Variants in TRPM6 observed in about 807,000 individuals in gnomAD.
TRPM6 encodes transient receptor potential cation channel subfamily M member 6, also known as channel kinase 2.
A neutral mutation model predicts 247.6 loss-of-function variants in TRPM6; 111 were observed. The observed-to-expected ratio is 0.45, with a 90% CI of 0.38 to 0.52. TRPM6 has a LOEUF of 0.52. Among genes scored for constraint, TRPM6 ranks in the 20% least tolerant of loss-of-function variants. TRPM6 has a pLI of 0.00. For missense variants in TRPM6, 2,126 were observed against 2,421.5 expected (o/e 0.88, Z 2.56); for synonymous variants, 892 against 853.8 (o/e 1.04, Z -0.78).
At chr9:74,859,951 A>T (rs1187194599) in intron 1 of TRPM6, among the ~76,000 whole-genome samples, 2 of 152,172 alleles carry the variant, frequency 1.3e-5, no homozygotes, top group Admixed American at 1.3e-4. Context: ...TGGGCCAGAA[A>T]ATATGCTACA....
chr9:74,830,023 C>T (rs1244803040), intron 6 of TRPM6, among the ~76,000 whole-genome samples: 1 of 151,976 alleles, frequency 6.6e-6, no homozygotes, highest in Non-Finnish European at 1.5e-5. Flanking sequence ...ACCAACTACT[C>T]TGGAGGCTGA....
At chr9:74,792,454 C>A (rs914121067) in intron 19 of TRPM6, among the ~76,000 whole-genome samples, 170 bp downstream of exon 19, 2 of 152,206 alleles carry the variant, frequency 1.3e-5, no homozygotes, top group Non-Finnish European at 2.9e-5. Flanking sequence ...ACCCTAACTT[C>A]TCCCTGCCTT....
intron 14 of TRPM6, 63 bp from the exon 15 acceptor site, chr9:74,803,949 A>G: frequency 9.5e-7 from 1 of 1,049,908 alleles, no homozygotes; most frequent in East Asian, 2.4e-5. Context: ...TTTTTAAAAT[A>G]AAACAAAAGG....
intron 9 of TRPM6, among the ~76,000 whole-genome samples, chr9:74,817,500 T>A (rs906397426): frequency 6.6e-6 from 1 of 152,144 alleles, no homozygotes; most frequent in African/African-American, 2.4e-5. Context: ...GACTTGCTTT[T>A]TTACGAGAAA....
chr9:74,742,698 C>A, intron 32 of TRPM6, 72 bp from the exon 33 acceptor site: 1 of 1,246,024 alleles, frequency 8.0e-7, no homozygotes, highest in South Asian at 1.2e-5. Flanking sequence ...CTCTCCACAT[C>A]AATATATTCA....
At chr9:74,743,774 A>T (rs552820721) in intron 32 of TRPM6, among the ~76,000 whole-genome samples, 3 of 152,320 alleles carry the variant, frequency 2.0e-5, no homozygotes, top group Admixed American at 6.5e-5. Flanking sequence ...CCCCAGTCCA[A>T]AACATTGAGA....
chr9:74,761,653 T>C, intron 27 of TRPM6, 43 bp downstream of exon 27: 1 of 1,261,514 alleles, frequency 7.9e-7, no homozygotes, highest in Admixed American at 1.7e-5. Flanking sequence ...GGCCACTACC[T>C]TGACTGCTCA....
chr9:74,753,684 A>T (rs1826340978), intron 28 of TRPM6, among the ~76,000 whole-genome samples: 1 of 152,232 alleles, frequency 6.6e-6, no homozygotes, highest in African/African-American at 2.4e-5. Context: ...TGATGGAGCC[A>T]GACCCTGTCT....
intron 1 of TRPM6, among the ~76,000 whole-genome samples, chr9:74,867,844 T>C (rs1298794450): frequency 7.2e-6 from 1 of 138,924 alleles, no homozygotes; most frequent in East Asian, 2.4e-4. Context: ...ATAGGTTTAT[T>C]CATTCATTTA....
chr9:74,880,917 C>T (rs1831340786), intron 1 of TRPM6, among the ~76,000 whole-genome samples: 1 of 152,098 alleles, frequency 6.6e-6, no homozygotes, highest in Non-Finnish European at 1.5e-5. Flanking sequence ...AGAATAAGTG[C>T]TCCCAGATCA....
intron 14 of TRPM6, among the ~76,000 whole-genome samples, chr9:74,805,587 T>C (rs1245983910): frequency 6.6e-6 from 1 of 152,222 alleles, no homozygotes; most frequent in African/African-American, 2.4e-5. Context: ...TCTGTGAATG[T>C]GAATTTTTCA....
chr9:74,883,380 C>T (rs1054013389), intron 1 of TRPM6, among the ~76,000 whole-genome samples: 2 of 152,086 alleles, frequency 1.3e-5, no homozygotes, highest in South Asian at 2.1e-4. Flanking sequence ...TGTATATTTG[C>T]ACTCTAGGAA....
At chr9:74,810,944 T>C in intron 12 of TRPM6, 76 bp from the exon 13 acceptor site, 1 of 1,168,016 alleles carries the variant, frequency 8.6e-7, no homozygotes, top group East Asian at 2.4e-5. Context: ...TACTTCAGAA[T>C]GCATAAGTAA....
In TRPM6 at chr9:74,776,164, C is replaced by T. The variant is rs1213391822; in HGVS notation, c.3210-88G>A. ...TATATTTTCCAACATTTATGATTGGCTCACCTGACATTACCGGCAGTTACC... is the reference window on the plus strand; with the variant it reads ...TATATTTTCCAACATTTATGATTGGTTCACCTGACATTACCGGCAGTTACC... On this transcript the variant is annotated intron_variant, in intron 23 of 38. Transcript: ENST00000360774. The T allele has an allele frequency of 2.6e-6, 3 of 1,159,668 alleles. No individual in the cohort carries two copies. The Admixed American group carries it at 5.1e-5, about 20-fold the overall frequency. The allele number at this position is 1,159,668 out of a possible 1,614,324, so 71.8% of individuals were successfully genotyped here.
At chr9:74,734,989 G>A (rs545261104) in intron 36 of TRPM6, among the ~76,000 whole-genome samples, 13 of 152,294 alleles carry the variant, frequency 8.5e-5, no homozygotes, top group African/African-American at 9.6e-5. Flanking sequence ...GAGGTAGGCG[G>A]ATCTCTTGAG....
chr9:74,821,962 T>G, intron 7 of TRPM6, 125 bp from the exon 8 acceptor site: 1 of 1,119,304 alleles, frequency 8.9e-7, no homozygotes, highest in Non-Finnish European at 1.3e-6. Context: ...CTGGCCCCTC[T>G]CTCATTTTAC....
At chr9:74,830,594 T>G (rs1829508615) in intron 6 of TRPM6, among the ~76,000 whole-genome samples, 2 of 151,966 alleles carry the variant, frequency 1.3e-5, no homozygotes, top group African/African-American at 4.8e-5. Context: ...TTTGTTTGTT[T>G]GAGACAGGGT....
Position 74,762,491 on chromosome 9 carries a change from C to A in TRPM6, c.4180G>T (p.Val1394Phe), listed in dbSNP as rs200281709. ...TCATCCACTGATGCCCAGTCAGAGA[C>A]AACTGGGGTCTGCCCAGTCAGATGA... ...LVHLTGQTPVVSDWASVDEPK... is the reference protein window; with the variant it reads ...LVHLTGQTPVFSDWASVDEPK... Residue 1394 changes from valine to phenylalanine, a missense_variant, in exon 26 of 39, where the codon GTC (valine) becomes TTC (phenylalanine). Around this residue, in one of 3 missense-constraint regions of TRPM6, gnomAD observed 717 missense variants for 715.9 expected, o/e 1.00. Coordinates refer to ENST00000360774, the MANE Select transcript of TRPM6 (RefSeq NM_017662.5). The A allele has an allele frequency of 2.0e-5, 32 of 1,614,170 alleles. 1 individual carries two copies. The East Asian group carries it at 4.0e-4, about 20-fold the overall frequency.
chr9:74,859,601 C>T (rs113317931), intron 1 of TRPM6, among the ~76,000 whole-genome samples: 2 of 151,832 alleles, frequency 1.3e-5, no homozygotes, highest in African/African-American at 2.4e-5. Context: ...GGTGAAACCC[C>T]GTCTCTACTA....
Sources: allele counts gnomAD v4.1 joint callset (sites outside exome capture counted in the v4.1 genomes callset), GRCh38; gene constraint gnomAD v4.1.1; regional missense constraint gnomAD v4.1.1; transcripts MANE v1.5; gene names NCBI Gene and HGNC (gene_info 2026-07-23, HGNC 2026-07-21).